HECTD4: variants seen among roughly 807,000 people sequenced by gnomAD.
The protein encoded by HECTD4 is probable E3 ubiquitin-protein ligase HECTD4.
A neutral mutation model predicts 471.5 loss-of-function variants in HECTD4; 114 were observed. That is an observed-to-expected ratio of 0.24 (90% CI 0.21 to 0.28). The LOEUF (loss-of-function observed/expected upper bound fraction) is 0.28, where lower values mean the gene tolerates loss of function less well. HECTD4 is among the 10% of genes least tolerant of loss of function. The pLI is 1.00. For synonymous variants in HECTD4, 2,012 were observed against 2,256.0 expected, an observed-to-expected ratio of 0.89 and a Z score of 3.07; for missense variants, 3,866 against 5,651.5, an observed-to-expected ratio of 0.68 and a Z score of 10.13.
chr12:112,324,013 C>T (rs1490670845), intron 1 of HECTD4, among the ~76,000 whole-genome samples: 9 of 37,576 alleles, frequency 2.4e-4, no homozygotes, highest in African/African-American at 9.5e-4. Flanking sequence ...TTCCTTCCTT[C>T]CTTCCTTCCT....
intron 20 of HECTD4, 53 bp downstream of exon 20, chr12:112,258,443 T>C: frequency 7.6e-7 from 1 of 1,316,880 alleles, no homozygotes; most frequent in Non-Finnish European, 1.0e-6. Context: ...GTACTACGCT[T>C]TCACCCAAAG....
rs772915108 is a variant in HECTD4, at chr12:112,164,249, G to A, written c.12561C>T (p.Ala4187=). The A allele has an allele frequency of 8.1e-6, 13 of 1,613,504 alleles. No individual in the cohort carries two copies. In the South Asian group the frequency reaches 1.1e-4, roughly 14 times the overall value. Residue 4187 remains alanine (A), a synonymous_variant, in exon 73 of 76, where the codon GCC becomes GCT. Coordinates refer to ENST00000682272, the MANE Select transcript of HECTD4 (RefSeq NM_001388303.1). ...GCTGGGAGGCGATCTCAGCGCACAG[G>A]GCCTCCAGCTCGGTCTCATCATTGA... ...ESINDETELE[A]LCAEIASQHL...
intron 7 of HECTD4, among the ~76,000 whole-genome samples, chr12:112,289,696 T>G (rs937378704): frequency 6.6e-6 from 1 of 151,988 alleles, no homozygotes; most frequent in Non-Finnish European, 1.5e-5. Flanking sequence ...TTTGTTTTTT[T>G]GAGACAGTCT....
At position 112,178,972 on chromosome 12, in the gene HECTD4, G is replaced by A; in HGVS notation, c.11322C>T (p.Thr3774=). ...CAGCCTTGTCCTTGGCGGGCGGCTT[G>A]GTGATAGGCCGCTTGGTGCTCACCA... The part of the protein sequence containing the change: ...VKVVSTKRPI[T]KPPAKDKAVL... The change falls in exon 64 of 76, where the codon ACC becomes ACT. Residue 3774 remains threonine, a synonymous_variant. Transcript: ENST00000682272. The A allele has an allele frequency of 6.2e-7, 1 of 1,612,916 alleles. No individual in the cohort carries two copies. Among genetic ancestry groups the A allele is most frequent in the Non-Finnish European group, 8.5e-7 (1 of 1,179,642 alleles).
intron 48 of HECTD4, among the ~76,000 whole-genome samples, chr12:112,215,305 T>G (rs1164307614): frequency 2.0e-5 from 3 of 152,178 alleles, no homozygotes; most frequent in African/African-American, 7.2e-5. Flanking sequence ...GACTTCATAT[T>G]CCCCATCTCA....
chr12:112,298,449 G>A (rs979317816), intron 7 of HECTD4, among the ~76,000 whole-genome samples: 5 of 148,902 alleles, frequency 3.4e-5, no homozygotes, highest in African/African-American at 1.2e-4. Context: ...GATCTGCCTC[G>A]TACTTTTTTA....
rs530175025 is a variant in HECTD4, at chr12:112,198,034, C to A, written c.8567+2604G>T. Among the ~76,000 whole-genome samples the A allele has an allele frequency of 3.3e-5, 5 of 152,264 alleles. No individual in the cohort carries two copies. The South Asian group carries it at 1.0e-3, about 32-fold the overall frequency. On this transcript the variant is annotated intron_variant, in intron 55 of 75. Coordinates refer to ENST00000682272, the MANE Select transcript of HECTD4 (RefSeq NM_001388303.1). ...TATTTTTAGTAGAGATGGGGTTTCA[C>A]CTGTTGGCCAGGCTGGTTTTGAACT...
At chr12:112,304,079 G>T (rs1237782719) in intron 7 of HECTD4, among the ~76,000 whole-genome samples, 1 of 151,826 alleles carries the variant, frequency 6.6e-6, no homozygotes, top group African/African-American at 2.4e-5. Context: ...GATTGGAGGA[G>T]TGGGGCAAGG....
chr12:112,328,998 C>A (rs540669551), intron 1 of HECTD4, among the ~76,000 whole-genome samples: 2 of 152,288 alleles, frequency 1.3e-5, no homozygotes, highest in East Asian at 3.9e-4. Flanking sequence ...ATTGTGAGGA[C>A]TCCAATACAT....
chr12:112,169,575 T>C lies in HECTD4; in HGVS notation c.12136A>G (p.Lys4046Glu). The change falls in exon 70 of 76, where the codon AAG (lysine) becomes GAG (glutamate). Residue 4046 changes from lysine to glutamate, a missense_variant. Coordinates refer to ENST00000682272, the MANE Select transcript of HECTD4 (RefSeq NM_001388303.1). ...ASVPSSQLCV[K>E]LASGGDPTYA... ...GTGGGGTCACCGCCACTGGCCAGCT[T>C]GACGCAGAGCTGAGACGACGGCACT... 1 of 1,613,646 alleles carries C rather than the reference T, an allele frequency of 6.2e-7. No homozygotes were observed. Among genetic ancestry groups the C allele is most frequent in the Non-Finnish European group, 8.5e-7 (1 of 1,179,880 alleles).
intron 13 of HECTD4, 132 bp from the exon 14 acceptor site, chr12:112,267,114 C>T (rs2034294691): frequency 1.6e-6 from 1 of 623,344 alleles, no homozygotes; most frequent in Admixed American, 2.8e-5. Context: ...TCTGTCACCC[C>T]ATTGATCGCT....
chr12:112,227,939 A>C, intron 43 of HECTD4, 150 bp downstream of exon 43: 2 of 659,348 alleles, frequency 3.0e-6, no homozygotes, highest in Non-Finnish European at 4.8e-6. Context: ...TATGGTAAAA[A>C]CTGTAAAAGA....
At chr12:112,335,400 G>A (rs938010891) in intron 1 of HECTD4, among the ~76,000 whole-genome samples, 10 of 152,092 alleles carry the variant, frequency 6.6e-5, no homozygotes, top group Admixed American at 5.2e-4. Context: ...GGAAGTGGGT[G>A]AAGGATAAAA....
chr12:112,169,970 C>T lies in HECTD4; in HGVS notation c.12053-312G>A, dbSNP rs1313410975. ...CCTCTCTCGTTTCCTCTGCGCATATCCCCCTTCTGTCTATACGCTGTGGCA... is the reference window on the plus strand; with the variant it reads ...CCTCTCTCGTTTCCTCTGCGCATATTCCCCTTCTGTCTATACGCTGTGGCA... On this transcript the variant is annotated intron_variant, in intron 69 of 75. Transcript: ENST00000682272. The T allele has an allele frequency of 5.5e-6, 3 of 548,114 alleles. No homozygotes were observed. In the African/African-American group the frequency reaches 5.7e-5, roughly 10 times the overall value. 34.0% of individuals were successfully genotyped at this position (548,114 alleles called of 1,614,324 possible). A position where few individuals can be genotyped will look rare whatever the true frequency, so the allele number is the denominator to read the frequency against.
chr12:112,221,734 G>A (rs1465468154), intron 44 of HECTD4, among the ~76,000 whole-genome samples: 2 of 151,548 alleles, frequency 1.3e-5, no homozygotes, highest in African/African-American at 4.9e-5. Flanking sequence ...GGGAGACGCT[G>A]TCTCTTGTTT....
intron 17 of HECTD4, among the ~76,000 whole-genome samples, chr12:112,263,538 C>T (rs1164475661): frequency 6.6e-6 from 1 of 152,000 alleles, no homozygotes; most frequent in Non-Finnish European, 1.5e-5. Flanking sequence ...TGAGTTTACA[C>T]AGAAGCTAAT....
At position 112,256,281 on chromosome 12, in the gene HECTD4, A is replaced by G. The variant is rs776280682; in HGVS notation, c.3327+39T>C. Reference sequence around the variant, plus strand: ...ATAAGAAGCATCTAAGAATCAGCTTACTCGAGGTGGAACCAATAGTAACCC... The same window carrying G: ...ATAAGAAGCATCTAAGAATCAGCTTGCTCGAGGTGGAACCAATAGTAACCC... On this transcript the variant is annotated intron_variant, in intron 21 of 75. Transcript: ENST00000682272. 6.7e-6 allele frequency: 9 copies of G among 1,342,752 alleles called. No individual in the cohort carries two copies. The East Asian group carries it at 2.3e-4, about 34-fold the overall frequency. The allele number at this position is 1,342,752 out of a possible 1,614,324, so 83.2% of individuals were successfully genotyped here. A position where few individuals can be genotyped will look rare whatever the true frequency, so the allele number is the denominator to read the frequency against.
At chr12:112,343,777 GA>G (rs931037769) in intron 1 of HECTD4, among the ~76,000 whole-genome samples, 4 of 146,612 alleles carry the variant, frequency 2.7e-5, no homozygotes, top group Non-Finnish European at 4.5e-5. Flanking sequence ...CATCTCTTGG[GA>G]AAAAAAAAAG....
intron 54 of HECTD4, among the ~76,000 whole-genome samples, chr12:112,201,711 T>C (rs914571098): frequency 6.6e-6 from 1 of 152,200 alleles, no homozygotes; most frequent in Non-Finnish European, 1.5e-5. Flanking sequence ...TTCAATGTAA[T>C]CATAAGTTAG....
Sources: gnomAD v4.1 joint callset for allele counts (sites outside exome capture counted in the v4.1 genomes callset) on GRCh38, gnomAD v4.1.1 for gene constraint, MANE v1.5 for transcripts, NCBI Gene and HGNC (gene_info 2026-07-23, HGNC 2026-07-21) for gene names.